Variants in CCDC175 observed in about 807,000 individuals in gnomAD.
The protein encoded by CCDC175 is coiled-coil domain-containing protein 175.
Under a neutral mutation model 114.6 loss-of-function variants are expected in CCDC175, and 100 were observed. The observed-to-expected ratio is 0.87, with a 90% confidence interval of 0.74 to 1.03. The LOEUF is 1.03. CCDC175 is among the 50% of genes least tolerant of loss of function. The pLI, the probability that CCDC175 is intolerant of heterozygous loss-of-function variation, is 0.00. For missense variants in CCDC175, 880 were observed against 917.8 expected (o/e 0.96, Z 0.53); for synonymous variants, 306 against 308.7 (o/e 0.99, Z 0.09).
At chr14:59,508,281 A>G (rs1479836017) in intron 19 of CCDC175, among the ~76,000 whole-genome samples, 4 of 151,734 alleles carry the variant, frequency 2.6e-5, no homozygotes, top group African/African-American at 7.3e-5. Context: ...GTTTAGTCCA[A>G]TAGGTCCATG....
chr14:59,516,710 A>C (rs1292052170), intron 17 of CCDC175, among the ~76,000 whole-genome samples: 7 of 152,196 alleles, frequency 4.6e-5, no homozygotes, highest in East Asian at 3.9e-4. Context: ...CCAGGACCAG[A>C]TGGATTCCCA....
chr14:59,510,906 A>G (rs1892701490), intron 18 of CCDC175, 98 bp from the exon 19 acceptor site: 1 of 1,026,574 alleles, frequency 9.7e-7, no homozygotes, highest in African/African-American at 1.6e-5. Flanking sequence ...AATATTATAT[A>G]TGCATAATTG....
intron 8 of CCDC175, among the ~76,000 whole-genome samples, chr14:59,548,108 T>C (rs1895227430): frequency 6.6e-6 from 1 of 152,148 alleles, no homozygotes; most frequent in Non-Finnish European, 1.5e-5. Context: ...CAATTGAATA[T>C]ATTCAGCCTT....
chr14:59,544,462 C>T (rs1313426701), intron 9 of CCDC175, among the ~76,000 whole-genome samples: 1 of 152,072 alleles, frequency 6.6e-6, no homozygotes, highest in Non-Finnish European at 1.5e-5. Flanking sequence ...TAGGAAGCTG[C>T]CTGTATCAGA....
chr14:59,527,294 C>T (rs1893803690), intron 14 of CCDC175, 120 bp from the exon 15 acceptor site: 1 of 545,680 alleles, frequency 1.8e-6, no homozygotes, highest in Non-Finnish European at 3.1e-6. Flanking sequence ...AACCAACTGT[C>T]AGGCACTCCA....
In CCDC175 at chr14:59,568,834, T is replaced by A. The variant is rs188492001; in HGVS notation, c.356-454A>T. Among the ~76,000 whole-genome samples the A allele has an allele frequency of 2.7e-3, 410 of 152,308 alleles. 2 individuals carry two copies. The highest frequency in any genetic ancestry group is 3.5e-3 in the Non-Finnish European group (235 of 68,024). The stretch of plus-strand genomic sequence containing the variant: ...AGATAGTCCTGAGAAGAAGTAACAC[T>A]GGGTCTTGGGGGCTTCTTCTCATAA... On this transcript the variant is annotated intron_variant, in intron 3 of 19. Transcript: ENST00000537690.
chr14:59,573,413 A>G (rs1016517383), intron 2 of CCDC175, among the ~76,000 whole-genome samples: 1 of 152,176 alleles, frequency 6.6e-6, no homozygotes, highest in African/African-American at 2.4e-5. Flanking sequence ...CTATATAATT[A>G]CATATATAGC....
At chr14:59,523,448 T>C (rs1212464833) in intron 16 of CCDC175, among the ~76,000 whole-genome samples, 1 of 152,208 alleles carries the variant, frequency 6.6e-6, no homozygotes, top group African/African-American at 2.4e-5. Flanking sequence ...GATTTTTTTC[T>C]AGCTATTAAA....
At chr14:59,522,024 CA>C (rs1344716650) in intron 16 of CCDC175, among the ~76,000 whole-genome samples, 2 of 152,224 alleles carry the variant, frequency 1.3e-5, no homozygotes, top group African/African-American at 4.8e-5. Flanking sequence ...TGTCACAAAG[CA>C]GTAATGCTGC....
intron 3 of CCDC175, 70 bp from the exon 4 acceptor site, chr14:59,568,450 CA>C: frequency 4.2e-6 from 5 of 1,199,352 alleles, no homozygotes; most frequent in Admixed American, 3.8e-5. Flanking sequence ...GACTTTCACG[CA>C]AAAAAGCTTT....
At position 59,571,232 on chromosome 14, in the gene CCDC175, C is replaced by G. The variant is rs149826967; in HGVS notation, c.355+1470G>C. 7.9e-5 allele frequency among the ~76,000 whole-genome samples: 12 copies of G among 151,556 alleles called. No homozygotes were observed. The East Asian group carries it at 1.9e-3, about 24-fold the overall frequency. On this transcript the variant is annotated intron_variant, in intron 3 of 19. Transcript: ENST00000537690. ...CTCTTAGAAGAAAACATAGGGAAAG[C>G]CTTCATGGCATTGAATTTGGGAATG...
At chr14:59,547,786 G>C (rs1895203543) in intron 8 of CCDC175, among the ~76,000 whole-genome samples, 1 of 152,142 alleles carries the variant, frequency 6.6e-6, no homozygotes, top group African/African-American at 2.4e-5. Flanking sequence ...ATAGGACATA[G>C]AGAACATTAA....
intron 15 of CCDC175, among the ~76,000 whole-genome samples, chr14:59,526,325 G>A (rs879922510): frequency 2.0e-5 from 3 of 151,814 alleles, no homozygotes; most frequent in Non-Finnish European, 4.4e-5. Context: ...ACATTTTGAA[G>A]CCTGGTGCAG....
rs547033998 is a variant in CCDC175 at position 59,533,816 on chromosome 14, G to A, written c.1624-1906C>T. Among the ~76,000 whole-genome samples, 17 of 151,700 alleles carry A rather than the reference G, an allele frequency of 1.1e-4. No homozygotes were observed. In the South Asian group the frequency reaches 1.3e-3, roughly 11 times the overall value. ...ATCCTGGCTAACATGGTGAAACCCC[G>A]TCTCTACTAAAAATACAAAAAAATT... On this transcript the variant is annotated intron_variant, in intron 13 of 19. Coordinates refer to ENST00000537690, the MANE Select transcript of CCDC175 (RefSeq NM_001164399.2).
chr14:59,511,831 G>C, intron 17 of CCDC175, 28 bp from the exon 18 acceptor site: 1 of 1,432,650 alleles, frequency 7.0e-7, no homozygotes, highest in Non-Finnish European at 9.5e-7. Flanking sequence ...AAAATACAAT[G>C]GTTACTGACA....
intron 18 of CCDC175, among the ~76,000 whole-genome samples, chr14:59,511,291 A>G (rs1348817374): frequency 3.9e-5 from 6 of 152,170 alleles, no homozygotes; most frequent in Non-Finnish European, 8.8e-5. Context: ...TTAAATGAGG[A>G]TTATGTGTAA....
intron 1 of CCDC175, among the ~76,000 whole-genome samples, chr14:59,575,384 C>A (rs10137521): frequency 0.061 from 9,266 of 151,984 alleles, 344 homozygotes; most frequent in Non-Finnish European, 0.074. Flanking sequence ...ATTGGCATGC[C>A]GATCTAGAGA....
At chr14:59,557,331 C>G (rs555913779) in intron 7 of CCDC175, among the ~76,000 whole-genome samples, 9 of 152,008 alleles carry the variant, frequency 5.9e-5, no homozygotes, top group South Asian at 2.1e-4. Context: ...ATGGATGAAG[C>G]TGGAAACCAT....
At chr14:59,527,507 C>A (rs772116582) in intron 14 of CCDC175, among the ~76,000 whole-genome samples, 4 of 152,128 alleles carry the variant, frequency 2.6e-5, no homozygotes, top group Non-Finnish European at 5.9e-5. Context: ...ATATTTCATC[C>A]CTAACCTTCC....
Sources: gnomAD v4.1 joint callset for allele counts (sites outside exome capture counted in the v4.1 genomes callset) on GRCh38, gnomAD v4.1.1 for gene constraint, MANE v1.5 for transcripts, NCBI Gene and HGNC (gene_info 2026-07-23, HGNC 2026-07-21) for gene names.